SRPK2: variants seen among roughly 807,000 people sequenced by gnomAD.
SRPK2 encodes SRSF protein kinase 2.
In SRPK2, 21 loss-of-function variants were observed where a neutral mutation model predicts 90.8. That is an observed-to-expected ratio of 0.23 (90% confidence interval 0.16 to 0.33). The LOEUF (loss-of-function observed/expected upper bound fraction) is 0.33, where lower values mean the gene tolerates loss of function less well. Among genes scored for constraint, SRPK2 ranks in the 10% least tolerant of loss-of-function variants. The pLI is 1.00. For synonymous variants in SRPK2, 288 were observed against 311.1 expected (o/e 0.93, Z 0.78); for missense variants, 620 against 869.0 (o/e 0.71, Z 3.60).
At chr7:105,260,888 TG>T (rs566223318) in intron 2 of SRPK2, among the ~76,000 whole-genome samples, 2 of 68,286 alleles carry the variant, frequency 2.9e-5, no homozygotes, top group African/African-American at 1.1e-4. Context: ...TATTGGGGGG[TG>T]GGGGACTGGG....
rs1171601323 is a variant in SRPK2 at position 105,167,325 on chromosome 7, T to G, written c.514+52A>C. The G allele has an allele frequency of 2.7e-6, 4 of 1,476,512 alleles. No individual in the cohort carries two copies. The African/African-American group carries it at 4.2e-5, about 15-fold the overall frequency. The allele number at this position is 1,476,512 out of a possible 1,614,324, so 91.5% of individuals were successfully genotyped here. Reference sequence around the variant, plus strand: ...ACAGAGATTATAGGAGCTTGAAATATTTTCATTTTTTAAAAGGTAAAAATA... The same window carrying G: ...ACAGAGATTATAGGAGCTTGAAATAGTTTCATTTTTTAAAAGGTAAAAATA... On this transcript the variant is annotated intron_variant, in intron 6 of 15. Transcript: ENST00000393651.
chr7:105,139,958 C>T (rs201769414), intron 11 of SRPK2, among the ~76,000 whole-genome samples: 2 of 152,192 alleles, frequency 1.3e-5, no homozygotes, highest in East Asian at 1.9e-4. Context: ...CCAAAATCCA[C>T]AGATGCTCAA....
At chr7:105,194,446 A>G (rs928285618) in intron 3 of SRPK2, among the ~76,000 whole-genome samples, 1 of 152,242 alleles carries the variant, frequency 6.6e-6, no homozygotes, top group African/African-American at 2.4e-5. Flanking sequence ...GATTGTGTGT[A>G]GAGAAAACCT....
At chr7:105,249,390 G>T (rs1263471437) in intron 2 of SRPK2, among the ~76,000 whole-genome samples, 2 of 151,952 alleles carry the variant, frequency 1.3e-5, no homozygotes, top group East Asian at 3.9e-4. Flanking sequence ...AAAATGCTCT[G>T]TAAAATGAAA....
At chr7:105,160,654 G>A (rs369470653) in intron 6 of SRPK2, 41 bp from the exon 7 acceptor site, 20 of 1,165,954 alleles carry the variant, frequency 1.7e-5, no homozygotes, top group Non-Finnish European at 2.3e-5. Flanking sequence ...GCACTGCCTG[G>A]AGTGAGGCAG....
chr7:105,289,486 ATT>A (rs1036089621), intron 2 of SRPK2, among the ~76,000 whole-genome samples: 21 of 152,178 alleles, frequency 1.4e-4, no homozygotes, highest in Non-Finnish European at 2.9e-4. Context: ...ACCATAGACT[ATT>A]AAGTGTGCGG....
At chr7:105,385,831 A>G (rs1821514099) in intron 2 of SRPK2, among the ~76,000 whole-genome samples, 1 of 152,232 alleles carries the variant, frequency 6.6e-6, no homozygotes, top group South Asian at 2.1e-4. Context: ...GGTTGTCACA[A>G]GGTATATGTA....
chr7:105,114,774 T>C (rs1799535266), downstream of SRPK2, among the ~76,000 whole-genome samples: 1 of 152,172 alleles, frequency 6.6e-6, no homozygotes, highest in Non-Finnish European at 1.5e-5. Flanking sequence ...TTATTTCCTT[T>C]TGAAAATTAG....
chr7:105,292,943 C>T (rs1410775807), intron 2 of SRPK2, among the ~76,000 whole-genome samples: 1 of 152,126 alleles, frequency 6.6e-6, no homozygotes, highest in African/African-American at 2.4e-5. Context: ...GATTCTTTCC[C>T]AAGTGATTAG....
intron 2 of SRPK2, among the ~76,000 whole-genome samples, chr7:105,351,337 T>C (rs894581911): frequency 6.6e-6 from 1 of 151,934 alleles, no homozygotes; most frequent in African/African-American, 2.4e-5. Context: ...TCCTTTTCTT[T>C]ATAAATTACC....
At chr7:105,362,531 A>AG (rs1818552083) in intron 2 of SRPK2, among the ~76,000 whole-genome samples, 1 of 151,960 alleles carries the variant, frequency 6.6e-6, no homozygotes, top group Non-Finnish European at 1.5e-5. Context: ...AAAAAAAAAA[A>AG]AAAAGTCAGG....
chr7:105,170,953 A>AAGAAAGAAAGAAAGAAAGAAAGAAAG lies in SRPK2; in HGVS notation c.230-1689_230-1688insCTTTCTTTCTTTCTTTCTTTCTTTCT, dbSNP rs1221274617. Among the ~76,000 whole-genome samples the AAGAAAGAAAGAAAGAAAGAAAGAAAG allele has an allele frequency of 1.9e-3, 88 of 46,538 alleles. 5 individuals carry two copies. Among genetic ancestry groups the AAGAAAGAAAGAAAGAAAGAAAGAAAG allele is most frequent in the Non-Finnish European group, 3.2e-3 (58 of 18,310 alleles). 30.5% of individuals were successfully genotyped at this position (46,538 alleles called of 152,430 possible). On this transcript the variant is annotated intron_variant, in intron 3 of 15. Transcript: ENST00000393651. Reference sequence around the variant, plus strand: ...GAAAAAGGAAAGAAAGAAAGAAAGAAAGAAAGAAAGAAAGAGAAAGAAAGA... The same window carrying AAGAAAGAAAGAAAGAAAGAAAGAAAG: ...GAAAAAGGAAAGAAAGAAAGAAAGAAAGAAAGAAAGAAAGAAAGAAAGAAAGAGAAAGAAAGAAAGAGAAAGAAAGA...
chr7:105,171,015 G>GAGGAAGGA lies in SRPK2; in HGVS notation c.230-1758_230-1751dup, dbSNP rs5886349. Among the ~76,000 whole-genome samples, 274 of 107,610 alleles carry GAGGAAGGA rather than the reference G, an allele frequency of 2.5e-3. 15 individuals are homozygous for GAGGAAGGA. The highest frequency in any genetic ancestry group is 9.7e-3 in the Middle Eastern group (2 of 206). The allele number at this position is 107,610 out of a possible 152,430, so 70.6% of individuals were successfully genotyped here. Reference sequence around the variant, plus strand: ...AGAAAGAGAAAGAAAGAAAGAAAGAGAGGAAGGAAGGAAGGAAGGAAGGAA... The same window carrying GAGGAAGGA: ...AGAAAGAGAAAGAAAGAAAGAAAGAGAGGAAGGAAGGAAGGAAGGAAGGAAGGAAGGAA... On this transcript the variant is annotated intron_variant, in intron 3 of 15. Coordinates refer to ENST00000393651, the MANE Select transcript of SRPK2 (RefSeq NM_182692.3).
chr7:105,270,399 C>G (rs1348824453), intron 2 of SRPK2, among the ~76,000 whole-genome samples: 2 of 127,944 alleles, frequency 1.6e-5, no homozygotes, highest in Non-Finnish European at 3.3e-5. Flanking sequence ...TTAGGAACAG[C>G]CTCCTCTGCC....
rs1229345401 is a variant in SRPK2, at chr7:105,374,142, GTCTCAA to G, written c.71+14500_71+14505del. 4.7e-4 allele frequency among the ~76,000 whole-genome samples: 71 copies of G among 151,988 alleles called. 3 individuals are homozygous for G. The highest frequency in any genetic ancestry group is 1.9e-4 in the East Asian group (1 of 5,142). On this transcript the variant is annotated intron_variant, in intron 2 of 15. Coordinates refer to ENST00000393651, the MANE Select transcript of SRPK2 (RefSeq NM_182692.3). ...GGGTTTCACCATGTTGGCCAGGCTG[GTCTCAA>G]ACTCCTCACCTCAAGTGATCTGCCC... is the stretch of plus-strand genomic sequence containing the variant.
At chr7:105,286,213 A>T (rs1338288366) in intron 2 of SRPK2, among the ~76,000 whole-genome samples, 1 of 152,208 alleles carries the variant, frequency 6.6e-6, no homozygotes, top group Non-Finnish European at 1.5e-5. Context: ...AAATTTTTCA[A>T]TGACATTCCT....
intron 2 of SRPK2, among the ~76,000 whole-genome samples, chr7:105,264,457 CGGCATTGGTAG>C (rs1466887064): frequency 6.6e-6 from 1 of 152,138 alleles, no homozygotes; most frequent in Admixed American, 6.5e-5. Context: ...CCTTTTTATT[CGGCATTGGTAG>C]AATATAGGCC....
intron 2 of SRPK2, among the ~76,000 whole-genome samples, chr7:105,303,707 C>G (rs1295790836): frequency 6.6e-6 from 1 of 152,040 alleles, no homozygotes; most frequent in East Asian, 1.9e-4. Context: ...TCTCTGATCC[C>G]TTAAATCAAG....
intron 2 of SRPK2, among the ~76,000 whole-genome samples, chr7:105,367,330 T>C (rs576115218): frequency 4.6e-5 from 7 of 152,232 alleles, no homozygotes; most frequent in East Asian, 1.9e-4. Context: ...TGGCATGATA[T>C]TGGCTCACCG....
Sources: gnomAD v4.1 joint callset for allele counts (sites outside exome capture counted in the v4.1 genomes callset) on GRCh38, gnomAD v4.1.1 for gene constraint, MANE v1.5 for transcripts, NCBI Gene and HGNC (gene_info 2026-07-23, HGNC 2026-07-21) for gene names.